PPP1R7: variants seen among roughly 807,000 people sequenced by gnomAD.
PPP1R7 encodes the protein protein phosphatase 1 regulatory subunit 22.
PPP1R7 carries 18 observed loss-of-function variants against 45.2 expected under a neutral mutation model. The observed-to-expected ratio is 0.40, with a 90% CI of 0.28 to 0.59. The LOEUF (loss-of-function observed/expected upper bound fraction) is 0.59, where lower values mean the gene tolerates loss of function less well. Among genes scored for constraint, PPP1R7 ranks in the 20% least tolerant of loss-of-function variants. The probability of loss-of-function intolerance (pLI) is 0.46; values close to 1 mark genes in which losing one functional copy is unlikely to be tolerated. For synonymous variants in PPP1R7, 181 were observed against 183.4 expected (o/e 0.99, Z 0.11); for missense variants, 314 against 455.8 (o/e 0.69, Z 2.83).
rs1365652999 is a variant in PPP1R7, at chr2:241,183,502, G to C, written c.*679G>C. 1 of 467,786 alleles carries C rather than the reference G, an allele frequency of 2.1e-6. No homozygotes were observed. The highest frequency in any genetic ancestry group is 1.6e-5 in the South Asian group (1 of 63,964). 29.0% of individuals were successfully genotyped at this position (467,786 alleles called of 1,614,324 possible). A position where few individuals can be genotyped will look rare whatever the true frequency, so the allele number is the denominator to read the frequency against. On this transcript the variant is annotated 3_prime_UTR_variant, in exon 10 of 10. Coordinates refer to ENST00000234038, the MANE Select transcript of PPP1R7 (RefSeq NM_002712.3). ...GGGAGGGTGTCCTGTGTCCCACACG[G>C]TGCTGTGCTGCTGCCAGAATACGAG...
At chr2:241,158,385 C>T in intron 3 of PPP1R7, 99 bp from the exon 4 acceptor site, 1 of 1,116,150 alleles carries the variant, frequency 9.0e-7, no homozygotes, top group Non-Finnish European at 1.4e-6. Context: ...CTGGCACTGC[C>T]TCCCCCACTG....
upstream of PPP1R7, chr2:241,150,131 T>G: frequency 7.9e-7 from 1 of 1,263,696 alleles, no homozygotes; most frequent in Non-Finnish European, 1.0e-6. Flanking sequence ...GCCTCCGAGG[T>G]CGAGACAGTG....
Position 241,182,869 on chromosome 2 carries a change from C to A in PPP1R7, c.*46C>A. 6.3e-7 allele frequency: 1 copy of A among 1,583,166 alleles called. No individual in the cohort carries two copies. The highest frequency in any genetic ancestry group is 1.1e-5 in the South Asian group (1 of 89,060). ...TGGTCCCTCTCCTCGGAAGAACTGC[C>A]CAGCCACGGGTTTTTAACCCACCTG... On this transcript the variant is annotated 3_prime_UTR_variant, in exon 10 of 10. Transcript: ENST00000234038.
chr2:241,181,306 G>A (rs1299502942), intron 9 of PPP1R7, among the ~76,000 whole-genome samples: 1 of 152,150 alleles, frequency 6.6e-6, no homozygotes, highest in Non-Finnish European at 1.5e-5. Flanking sequence ...CAGCCTGGCT[G>A]TGACAGTGGA....
At position 241,166,460 on chromosome 2, in the gene PPP1R7, G is replaced by C; in HGVS notation, c.819+19G>C. The C allele has an allele frequency of 1.2e-6, 2 of 1,609,230 alleles. No individual in the cohort carries two copies. The highest frequency in any genetic ancestry group is 1.7e-6 in the Non-Finnish European group (2 of 1,176,562). On this transcript the variant is annotated intron_variant, in intron 8 of 9. Transcript: ENST00000234038. Reference sequence around the variant, plus strand: ...GAACAATGTAAGACACCCACTGTCTGTCTGGGGCTGTGTGGGCGGTGGGCA... The same window carrying C: ...GAACAATGTAAGACACCCACTGTCTCTCTGGGGCTGTGTGGGCGGTGGGCA...
At chr2:241,175,122 G>C (rs559755041) in intron 9 of PPP1R7, among the ~76,000 whole-genome samples, 1 of 152,230 alleles carries the variant, frequency 6.6e-6, no homozygotes, top group Non-Finnish European at 1.5e-5. Context: ...ATAAGGGCAG[G>C]GAAATTAGTG....
chr2:241,159,113 T>G, intron 4 of PPP1R7, 100 bp from the exon 5 acceptor site: 1 of 1,388,596 alleles, frequency 7.2e-7, no homozygotes, highest in Non-Finnish European at 9.9e-7. Context: ...AGACATGTCC[T>G]TCTACCAGAA....
At chr2:241,164,447 A>C (rs959221744) in intron 7 of PPP1R7, among the ~76,000 whole-genome samples, 2 of 152,184 alleles carry the variant, frequency 1.3e-5, no homozygotes, top group African/African-American at 4.8e-5. Flanking sequence ...GTTGGAAGCA[A>C]ATTAGCAGAA....
intron 3 of PPP1R7, among the ~76,000 whole-genome samples, 186 bp from the exon 4 acceptor site, chr2:241,158,298 A>G (rs575555985): frequency 3.9e-5 from 6 of 152,346 alleles, no homozygotes; most frequent in Admixed American, 1.3e-4. Context: ...CCAGTTTTAC[A>G]TAAAACTTAG....
At chr2:241,167,034 T>G (rs1286009907) in intron 8 of PPP1R7, 1 of 1,600,180 alleles carries the variant, frequency 6.2e-7, no homozygotes, top group Non-Finnish European at 8.5e-7. Flanking sequence ...TCCCCGGCCC[T>G]TCTCACTCAG....
At chr2:241,179,376 T>C (rs1050625388) in intron 9 of PPP1R7, among the ~76,000 whole-genome samples, 3 of 152,212 alleles carry the variant, frequency 2.0e-5, no homozygotes, top group African/African-American at 4.8e-5. Flanking sequence ...TGAAGTGCTG[T>C]GTCCCCAGTG....
chr2:241,164,132 G>A (rs1277928291), intron 7 of PPP1R7, among the ~76,000 whole-genome samples: 1 of 151,998 alleles, frequency 6.6e-6, no homozygotes, highest in Non-Finnish European at 1.5e-5. Context: ...GCCCAGGGTG[G>A]TCTTGAACTC....
In PPP1R7 at chr2:241,173,357, C is replaced by T. The variant is rs562893458; in HGVS notation, c.906+3490C>T. Among the ~76,000 whole-genome samples the T allele has an allele frequency of 4.9e-3, 741 of 151,826 alleles. 5 individuals are homozygous for T. Among genetic ancestry groups the T allele is most frequent in the Non-Finnish European group, 8.1e-3 (549 of 67,988 alleles). On this transcript the variant is annotated intron_variant, in intron 9 of 9. Transcript: ENST00000234038. Reference sequence around the variant, plus strand: ...CTCCTGAGCTCAGACAGTCCTCCTGCCTCAGCCTCCCAAAGGGCTGGGAGT... The same window carrying T: ...CTCCTGAGCTCAGACAGTCCTCCTGTCTCAGCCTCCCAAAGGGCTGGGAGT...
rs560219951 is a variant in PPP1R7 at position 241,179,080 on chromosome 2, C to T, written c.907-3567C>T. 9.2e-5 allele frequency among the ~76,000 whole-genome samples: 14 copies of T among 152,076 alleles called. No individual in the cohort carries two copies. The South Asian group carries it at 2.3e-3, about 25-fold the overall frequency. ...TGCAAAATACACAGATAGAAAACCCCATAAATACAAAATGCAAGTTTGGGT... is the reference window on the plus strand; with the variant it reads ...TGCAAAATACACAGATAGAAAACCCTATAAATACAAAATGCAAGTTTGGGT... On this transcript the variant is annotated intron_variant, in intron 9 of 9. Transcript: ENST00000234038.
upstream of PPP1R7, chr2:241,150,322 C>A (rs548086552): frequency 2.0e-5 from 26 of 1,326,118 alleles, no homozygotes; most frequent in Non-Finnish European, 2.3e-5. Flanking sequence ...GGAGGCGCGG[C>A]GCGCGGCCTC....
At chr2:241,164,870 A>T (rs1421095954) in intron 7 of PPP1R7, among the ~76,000 whole-genome samples, 1 of 152,116 alleles carries the variant, frequency 6.6e-6, no homozygotes, top group Admixed American at 6.5e-5. Context: ...CAACATGGTG[A>T]AATCTCATCT....
intron 5 of PPP1R7, among the ~76,000 whole-genome samples, chr2:241,159,907 G>C (rs62187408): frequency 0.27 from 40,909 of 152,070 alleles, 6,776 homozygotes; most frequent in Middle Eastern, 0.45. Flanking sequence ...CCAGGTCCTA[G>C]TTATAACTTT....
chr2:241,167,825 C>G (rs1233322363), intron 8 of PPP1R7, among the ~76,000 whole-genome samples: 2 of 152,100 alleles, frequency 1.3e-5, no homozygotes, highest in Non-Finnish European at 2.9e-5. Context: ...GACAGTCTTT[C>G]TTCTGCCATT....
chr2:241,154,374 C>A (rs1344403453), intron 2 of PPP1R7, among the ~76,000 whole-genome samples: 2 of 151,782 alleles, frequency 1.3e-5, no homozygotes, highest in Non-Finnish European at 2.9e-5. Context: ...TTTTTATAGG[C>A]CTGAGGATTG....
Sources: gnomAD v4.1 joint callset for allele counts (sites outside exome capture counted in the v4.1 genomes callset) on GRCh38, gnomAD v4.1.1 for gene constraint, MANE v1.5 for transcripts, NCBI Gene and HGNC (gene_info 2026-07-23, HGNC 2026-07-21) for gene names.